Variants in COMMD10 observed in about 807,000 individuals in gnomAD.
COMMD10 encodes the protein COMM domain containing 10.
A neutral mutation model predicts 28.9 loss-of-function variants in COMMD10; 33 were observed. The observed-to-expected ratio is 1.14, with a 90% CI of 0.87 to 1.53. The LOEUF (loss-of-function observed/expected upper bound fraction) is 1.53, where lower values mean the gene tolerates loss of function less well. Ranked by LOEUF, COMMD10 falls within the 40% of genes most tolerant of loss-of-function variation. COMMD10 has a pLI of 0.00. For missense variants in COMMD10, 310 were observed against 233.4 expected, an observed-to-expected ratio of 1.33 and a Z score of -2.14; for synonymous variants, 110 against 81.7, an observed-to-expected ratio of 1.35 and a Z score of -1.87.
intron 5 of COMMD10, among the ~76,000 whole-genome samples, chr5:116,187,204 C>G (rs1025546229): frequency 6.6e-6 from 1 of 151,984 alleles, no homozygotes; most frequent in Non-Finnish European, 1.5e-5. Context: ...CTTTTCAGCT[C>G]CTAATGCTGT....
intron 5 of COMMD10, among the ~76,000 whole-genome samples, chr5:116,149,370 G>C (rs7707663): frequency 0.89 from 123,704 of 138,594 alleles, 55,402 homozygotes; most frequent in African/African-American, 0.93. Flanking sequence ...GGTATATACC[G>C]AGTAGTGGGA....
chr5:116,288,287 T>C (rs1273380664), intron 5 of COMMD10, among the ~76,000 whole-genome samples: 1 of 151,862 alleles, frequency 6.6e-6, no homozygotes, highest in East Asian at 1.9e-4. Context: ...TTTCTGGCCT[T>C]CAAAGTTTCT....
chr5:116,224,977 T>G (rs1257026861), intron 5 of COMMD10, among the ~76,000 whole-genome samples: 1 of 152,212 alleles, frequency 6.6e-6, no homozygotes, highest in African/African-American at 2.4e-5. Context: ...TACTTTAACA[T>G]TTTATATAAT....
chr5:116,150,227 G>A (rs1436452802), intron 5 of COMMD10, among the ~76,000 whole-genome samples: 2 of 151,962 alleles, frequency 1.3e-5, no homozygotes, highest in East Asian at 3.9e-4. Flanking sequence ...TCTCTGTTTT[G>A]GTACCAGTAC....
At chr5:116,188,041 C>T (rs191622890) in intron 5 of COMMD10, among the ~76,000 whole-genome samples, 3 of 152,184 alleles carry the variant, frequency 2.0e-5, no homozygotes, top group East Asian at 1.9e-4. Flanking sequence ...AACATCATTA[C>T]GTCAGTTTAC....
intron 5 of COMMD10, among the ~76,000 whole-genome samples, chr5:116,167,827 A>G (rs969149765): frequency 7.2e-5 from 11 of 152,206 alleles, no homozygotes; most frequent in Non-Finnish European, 1.3e-4. Context: ...GAGCTCCTGA[A>G]GGAAACACTA....
At chr5:116,271,249 T>A (rs1386101080) in intron 5 of COMMD10, among the ~76,000 whole-genome samples, 2 of 144,696 alleles carry the variant, frequency 1.4e-5, no homozygotes, top group East Asian at 3.9e-4. Flanking sequence ...GTAAAAACAA[T>A]TTTTTTTCCT....
chr5:116,108,757 G>T (rs1439300593), intron 4 of COMMD10, among the ~76,000 whole-genome samples: 2 of 135,704 alleles, frequency 1.5e-5, no homozygotes, highest in African/African-American at 5.4e-5. Context: ...ACAAACTCCT[G>T]CAGCTAGCCT....
At chr5:116,159,948 G>T (rs1022392267) in intron 5 of COMMD10, among the ~76,000 whole-genome samples, 1 of 152,152 alleles carries the variant, frequency 6.6e-6, no homozygotes, top group Non-Finnish European at 1.5e-5. Flanking sequence ...TGAATAGATT[G>T]TTCCAATAAC....
intron 5 of COMMD10, among the ~76,000 whole-genome samples, chr5:116,255,432 G>T (rs2112678920): frequency 6.6e-6 from 1 of 151,748 alleles, no homozygotes; most frequent in East Asian, 1.9e-4. Flanking sequence ...TGCAGCGGCT[G>T]GTACTGGTTG....
chr5:116,219,539 A>T (rs556801213), intron 5 of COMMD10, among the ~76,000 whole-genome samples: 5 of 152,318 alleles, frequency 3.3e-5, no homozygotes, highest in Non-Finnish European at 7.4e-5. Context: ...ACTAAGGTAG[A>T]GACTGGGATA....
chr5:116,086,885 A>G (rs10075082), intron 1 of COMMD10, among the ~76,000 whole-genome samples: 121,702 of 152,120 alleles, frequency 0.8, 48,877 homozygotes, highest in Non-Finnish European at 0.83. Flanking sequence ...GCTGAGGCAC[A>G]AGGATTCTTA....
intron 4 of COMMD10, among the ~76,000 whole-genome samples, chr5:116,107,916 G>A (rs1750896587): frequency 6.6e-6 from 1 of 152,166 alleles, no homozygotes. Context: ...CTGTTTATTA[G>A]TTTTCCTTCT....
intron 5 of COMMD10, among the ~76,000 whole-genome samples, chr5:116,153,894 C>CT (rs1752618138): frequency 6.6e-6 from 1 of 152,018 alleles, no homozygotes; most frequent in Non-Finnish European, 1.5e-5. Flanking sequence ...AGAATTGTTC[C>CT]TGTTTTTTTC....
At chr5:116,089,943 C>G (rs1278289335) in intron 2 of COMMD10, among the ~76,000 whole-genome samples, 2 of 152,064 alleles carry the variant, frequency 1.3e-5, no homozygotes, top group Non-Finnish European at 2.9e-5. Context: ...TTTATGTATC[C>G]CGACTCCATC....
At chr5:116,197,408 A>G (rs1272009515) in intron 5 of COMMD10, among the ~76,000 whole-genome samples, 1 of 152,026 alleles carries the variant, frequency 6.6e-6, no homozygotes, top group Non-Finnish European at 1.5e-5. Context: ...TGGAGATATG[A>G]TCTTGCCCTG....
intron 5 of COMMD10, among the ~76,000 whole-genome samples, chr5:116,272,489 T>C (rs1207851238): frequency 6.6e-6 from 1 of 151,870 alleles, no homozygotes; most frequent in Admixed American, 6.6e-5. Flanking sequence ...TATCATTCTT[T>C]GGCCTCCCAG....
intron 5 of COMMD10, among the ~76,000 whole-genome samples, chr5:116,169,981 C>G (rs1561645527): frequency 6.6e-6 from 1 of 152,072 alleles, no homozygotes; most frequent in Admixed American, 6.5e-5. Flanking sequence ...ATGGGAAGCC[C>G]TGGCCAGGGC....
At chr5:116,112,457 C>A (rs543116647) in intron 4 of COMMD10, among the ~76,000 whole-genome samples, 4 of 151,528 alleles carry the variant, frequency 2.6e-5, no homozygotes, top group Non-Finnish European at 4.4e-5. Context: ...AGTGCAGTGG[C>A]GGGATCTCAG....
Sources: gnomAD v4.1 joint callset for allele counts (sites outside exome capture counted in the v4.1 genomes callset) on GRCh38, gnomAD v4.1.1 for gene constraint, MANE v1.5 for transcripts, NCBI Gene and HGNC (gene_info 2026-07-23, HGNC 2026-07-21) for gene names.